CSMD3: variants seen among roughly 807,000 people sequenced by gnomAD.
The protein encoded by CSMD3 is CUB and Sushi multiple domains 3.
In CSMD3, 177 loss-of-function variants were observed where a neutral mutation model predicts 435.2. The observed-to-expected ratio is 0.41, with a 90% CI of 0.36 to 0.46. CSMD3 has a LOEUF of 0.46. Ranked by LOEUF, CSMD3 falls within the 20% of genes least tolerant of loss-of-function variation. The pLI is 0.34. For missense variants in CSMD3, 4,265 were observed against 4,504.6 expected, an observed-to-expected ratio of 0.95 and a Z score of 1.52; for synonymous variants, 1,656 against 1,520.5, an observed-to-expected ratio of 1.09 and a Z score of -2.07.
At chr8:112,603,596 T>G (rs552037085) in intron 22 of CSMD3, among the ~76,000 whole-genome samples, 2 of 152,316 alleles carry the variant, frequency 1.3e-5, no homozygotes, top group African/African-American at 4.8e-5. Context: ...GTGGGTAAGT[T>G]TGAAAAAATG....
chr8:112,787,562 TA>T (rs1444267194), intron 13 of CSMD3, among the ~76,000 whole-genome samples: 1 of 152,078 alleles, frequency 6.6e-6, no homozygotes, highest in Non-Finnish European at 1.5e-5. Flanking sequence ...GATGAAGGGA[TA>T]AAAAAACTGT....
intron 67 of CSMD3, among the ~76,000 whole-genome samples, chr8:112,234,712 A>G (rs902550065): frequency 6.6e-6 from 1 of 152,174 alleles, no homozygotes; most frequent in African/African-American, 2.4e-5. Flanking sequence ...GGTTTAAATT[A>G]CCTATGCTAT....
intron 22 of CSMD3, among the ~76,000 whole-genome samples, chr8:112,594,854 A>C (rs1462585872): frequency 2.6e-5 from 4 of 151,818 alleles, no homozygotes; most frequent in Non-Finnish European, 1.5e-5. Context: ...CCACACCAAA[A>C]ACCCATCTGT....
At chr8:113,075,151 C>G (rs995162979) in intron 5 of CSMD3, among the ~76,000 whole-genome samples, 2 of 151,598 alleles carry the variant, frequency 1.3e-5, no homozygotes, top group African/African-American at 4.8e-5. Context: ...GTTAATAACA[C>G]TTGGGTAATA....
intron 16 of CSMD3, among the ~76,000 whole-genome samples, chr8:112,673,347 GTCCATTTCC>G (rs2075700268): frequency 6.6e-6 from 1 of 151,852 alleles, no homozygotes; most frequent in Admixed American, 6.6e-5. Flanking sequence ...CCAAAATAGA[GTCCATTTCC>G]ATAACTACTT....
At chr8:112,670,124 T>A (rs1209109698) in intron 16 of CSMD3, among the ~76,000 whole-genome samples, 10 of 152,146 alleles carry the variant, frequency 6.6e-5, no homozygotes, top group Non-Finnish European at 1.5e-4. Context: ...AGATTCTGTT[T>A]AATTTGAAGA....
intron 3 of CSMD3, among the ~76,000 whole-genome samples, chr8:113,252,197 T>G (rs1220587139): frequency 2.0e-5 from 3 of 152,108 alleles, no homozygotes; most frequent in Non-Finnish European, 2.9e-5. Flanking sequence ...TCTCTCTACA[T>G]GTCAAAATCA....
intron 31 of CSMD3, among the ~76,000 whole-genome samples, chr8:112,489,019 TAAAAATAAAAAAATTATCTTA>T (rs1355524749): frequency 1.3e-5 from 2 of 152,158 alleles, no homozygotes; most frequent in Admixed American, 1.3e-4. Context: ...ATATCTCAGA[TAAAAATAAAAAAATTATCTTA>T]AAAAAATAAA....
intron 54 of CSMD3, among the ~76,000 whole-genome samples, chr8:112,294,065 A>G (rs2130701363): frequency 6.6e-6 from 1 of 152,120 alleles, no homozygotes; most frequent in South Asian, 2.1e-4. Flanking sequence ...GTTGTCTTTA[A>G]ATCATCAGAC....
Position 112,632,265 on chromosome 8 carries a change from C to T in CSMD3, c.3715+4552G>A, listed in dbSNP as rs984372306. ...TTTAAACTAAGAAATAAATAACTAT[C>T]ATCATATATCATCTGAAAGGTCAGA... On this transcript the variant is annotated intron_variant, in intron 22 of 70. Transcript: ENST00000297405. Among the ~76,000 whole-genome samples, 89 of 151,936 alleles carry T rather than the reference C, an allele frequency of 5.9e-4. 1 individual carries two copies. The highest frequency in any genetic ancestry group is 9.9e-4 in the Non-Finnish European group (67 of 67,914).
intron 5 of CSMD3, among the ~76,000 whole-genome samples, chr8:113,076,916 C>T (rs79341362): frequency 2.1e-3 from 314 of 152,124 alleles, no homozygotes; most frequent in East Asian, 0.012. Flanking sequence ...GGTTTGAAAA[C>T]ACTGTTATAC....
chr8:113,007,603 G>C (rs1369987417), intron 6 of CSMD3, among the ~76,000 whole-genome samples: 1 of 151,890 alleles, frequency 6.6e-6, no homozygotes, highest in East Asian at 1.9e-4. Context: ...TGTTGTGTAA[G>C]CCACCCAAGT....
Position 113,303,868 on chromosome 8 carries a change from C to T in CSMD3, c.401+10703G>A, listed in dbSNP as rs1047975847. Among the ~76,000 whole-genome samples the T allele has an allele frequency of 3.4e-3, 472 of 138,294 alleles. 4 individuals are homozygous for T. Among genetic ancestry groups the T allele is most frequent in the African/African-American group, 0.012 (438 of 37,760 alleles). The allele number at this position is 138,294 out of a possible 152,430, so 90.7% of individuals were successfully genotyped here. A position where few individuals can be genotyped will look rare whatever the true frequency, so the allele number is the denominator to read the frequency against. ...TAGGCATGGGCAAGGACTTCATGTC[C>T]AAAACACCAAAAGCAATGGCAACAA... is the stretch of plus-strand genomic sequence containing the variant. On this transcript the variant is annotated intron_variant, in intron 2 of 70. Coordinates refer to ENST00000297405, the MANE Select transcript of CSMD3 (RefSeq NM_198123.2).
Position 113,432,905 on chromosome 8 carries a change from G to T in CSMD3, c.178+3772C>A, listed in dbSNP as rs543132558. Among the ~76,000 whole-genome samples the T allele has an allele frequency of 2.0e-5, 3 of 152,296 alleles. No homozygotes were observed. The South Asian group carries it at 6.2e-4, about 32-fold the overall frequency. On this transcript the variant is annotated intron_variant, in intron 1 of 70. Transcript: ENST00000297405. ...CTCGGAGACTCCTAAAGGTTTCTCC[G>T]TGTCAATTCATGTGTCCTCCTCCCA...
chr8:113,174,726 T>C (rs1009081734), intron 3 of CSMD3, among the ~76,000 whole-genome samples: 6 of 151,936 alleles, frequency 3.9e-5, no homozygotes, highest in African/African-American at 1.4e-4. Flanking sequence ...TATTAGAGGT[T>C]ATTTGTTCTC....
chr8:112,366,858 A>G (rs1390372826), intron 38 of CSMD3, among the ~76,000 whole-genome samples: 1 of 152,238 alleles, frequency 6.6e-6, no homozygotes, highest in East Asian at 1.9e-4. Context: ...GAGATGGACA[A>G]AATGGCTGGT....
intron 1 of CSMD3, among the ~76,000 whole-genome samples, chr8:113,410,900 T>TGAAAGAAAGAAGAAAGAAA (rs2094555602): frequency 9.5e-6 from 1 of 105,396 alleles, no homozygotes; most frequent in Admixed American, 1.1e-4. Context: ...CAAAACCCTG[T>TGAAAGAAAGAAGAAAGAAA]GAAAGAAAGA....
chr8:112,782,247 A>C (rs550459678), intron 13 of CSMD3, among the ~76,000 whole-genome samples: 1 of 152,194 alleles, frequency 6.6e-6, no homozygotes, highest in African/African-American at 2.4e-5. Flanking sequence ...AGATTAAAAT[A>C]TCTTTAGTAA....
chr8:112,757,780 A>ATGG (rs761102801), intron 13 of CSMD3, among the ~76,000 whole-genome samples: 1 of 152,152 alleles, frequency 6.6e-6, no homozygotes. Context: ...TAGGCCAGGC[A>ATGG]TGGTGGCTCA....
Sources: gnomAD v4.1 joint callset for allele counts (sites outside exome capture counted in the v4.1 genomes callset) on GRCh38, gnomAD v4.1.1 for gene constraint, MANE v1.5 for transcripts, NCBI Gene and HGNC (gene_info 2026-07-23, HGNC 2026-07-21) for gene names.